Variants in PLSCR5 observed in about 807,000 individuals in gnomAD.
PLSCR5 encodes phospholipid scramblase family member 5.
Under a neutral mutation model 33.6 loss-of-function variants are expected in PLSCR5, and 44 were observed. That is an observed-to-expected ratio of 1.31 (90% CI 1.03 to 1.69). The LOEUF (loss-of-function observed/expected upper bound fraction) is 1.69, where lower values mean the gene tolerates loss of function less well. Among genes scored for constraint, PLSCR5 ranks in the 40% most tolerant of loss-of-function variants. PLSCR5 has a pLI of 0.00. For missense variants in PLSCR5, 375 were observed against 318.7 expected, an observed-to-expected ratio of 1.18 and a Z score of -1.34; for synonymous variants, 148 against 112.3, an observed-to-expected ratio of 1.32 and a Z score of -2.01.
intron 6 of PLSCR5, among the ~76,000 whole-genome samples, chr3:146,586,964 G>T (rs945469743): frequency 4.2e-4 from 64 of 152,180 alleles, no homozygotes; most frequent in African/African-American, 1.2e-3. Context: ...TTTACAATAT[G>T]ATGGTAAAAA....
In PLSCR5 at chr3:146,600,446, T is replaced by G; in HGVS notation, c.31A>C (p.Arg11=). Residue 11 remains arginine (R), a synonymous_variant, in exon 2 of 8, where the codon AGA becomes CGA. Transcript: ENST00000443512. The part of the protein sequence containing the change: MASKDAQNQR[R]GLPGFLPGAP... ...CCAGGAAGAAAACCAGGCAGACCTC[T>G]TCTTTGGTTCTGGGCATCTGCAAGA... is the stretch of plus-strand genomic sequence containing the variant. 6.3e-7 allele frequency: 1 copy of G among 1,595,314 alleles called. No individual in the cohort carries two copies. The highest frequency in any genetic ancestry group is 8.6e-7 in the Non-Finnish European group (1 of 1,168,802).
intron 6 of PLSCR5, among the ~76,000 whole-genome samples, chr3:146,589,177 C>T (rs1424688855): frequency 2.0e-5 from 3 of 152,122 alleles, no homozygotes; most frequent in African/African-American, 7.2e-5. Flanking sequence ...GAAATAATGG[C>T]AACTGGTACC....
At chr3:146,584,851 G>C (rs1039776322), downstream of PLSCR5, among the ~76,000 whole-genome samples, 2 of 152,046 alleles carry the variant, frequency 1.3e-5, no homozygotes, top group Non-Finnish European at 2.9e-5. Context: ...ACTCTAACTT[G>C]ACTAACTTAG....
At chr3:146,584,584 G>C (rs1210658203), downstream of PLSCR5, among the ~76,000 whole-genome samples, 1 of 152,122 alleles carries the variant, frequency 6.6e-6, no homozygotes, top group Non-Finnish European at 1.5e-5. Flanking sequence ...ATATGTTATG[G>C]TCGATTGAGG....
At chr3:146,585,104 G>A (rs191099028), downstream of PLSCR5, among the ~76,000 whole-genome samples, 282 of 152,146 alleles carry the variant, frequency 1.9e-3, no homozygotes, top group Non-Finnish European at 2.8e-3. Context: ...TTGATAACTA[G>A]TGGATAGTAA....
At chr3:146,587,222 G>C (rs2044673521) in intron 6 of PLSCR5, among the ~76,000 whole-genome samples, 1 of 152,102 alleles carries the variant, frequency 6.6e-6, no homozygotes, top group Non-Finnish European at 1.5e-5. Flanking sequence ...CTTGCACTTT[G>C]CACCACACTT....
chr3:146,599,513 AC>A (rs1262201752), intron 2 of PLSCR5, among the ~76,000 whole-genome samples: 1 of 129,536 alleles, frequency 7.7e-6, no homozygotes, highest in Non-Finnish European at 1.7e-5. Context: ...CTTTGCATTA[AC>A]TTTTTTTTTT....
chr3:146,599,906 C>T (rs116256205), intron 2 of PLSCR5, among the ~76,000 whole-genome samples: 20 of 152,088 alleles, frequency 1.3e-4, no homozygotes, highest in Non-Finnish European at 2.4e-4. Flanking sequence ...CTGGCTTATC[C>T]ACATGCCATG....
chr3:146,587,239 T>A (rs1340004973), intron 6 of PLSCR5, among the ~76,000 whole-genome samples: 2 of 152,168 alleles, frequency 1.3e-5, no homozygotes, highest in African/African-American at 4.8e-5. Context: ...ACTTTGAGTA[T>A]GACCTAGATC....
chr3:146,594,161 T>A, intron 3 of PLSCR5, 21 bp from the exon 4 acceptor site: 1 of 1,536,614 alleles, frequency 6.5e-7, no homozygotes, highest in Non-Finnish European at 8.9e-7. Flanking sequence ...AAAAAAAAAA[T>A]TATAAAAACA....
chr3:146,579,557 C>A (rs1445461952), intron 7 of PLSCR5, among the ~76,000 whole-genome samples: 1 of 152,190 alleles, frequency 6.6e-6, no homozygotes, highest in Non-Finnish European at 1.5e-5. Context: ...TCTATCCAAA[C>A]CCCTCTTTTG....
At chr3:146,582,274 G>A (rs935512715), downstream of PLSCR5, among the ~76,000 whole-genome samples, 1 of 152,206 alleles carries the variant, frequency 6.6e-6, no homozygotes, top group Non-Finnish European at 1.5e-5. Context: ...TGGCCTCACT[G>A]CATAGATAAG....
intron 1 of PLSCR5, among the ~76,000 whole-genome samples, chr3:146,601,763 C>A (rs1424158165): frequency 6.6e-6 from 1 of 151,886 alleles, no homozygotes; most frequent in Non-Finnish European, 1.5e-5. Flanking sequence ...GTGTGTGGGG[C>A]AGGGGGGTGG....
At chr3:146,602,894 T>TAAA (rs1447883364) in intron 1 of PLSCR5, among the ~76,000 whole-genome samples, 1 of 152,042 alleles carries the variant, frequency 6.6e-6, no homozygotes, top group Non-Finnish European at 1.5e-5. Flanking sequence ...AAAGTCTTTA[T>TAAA]TTAGGAGTAG....
chr3:146,594,232 G>C, intron 3 of PLSCR5, 92 bp from the exon 4 acceptor site: 1 of 876,412 alleles, frequency 1.1e-6, no homozygotes, highest in South Asian at 1.8e-5. Context: ...AGAATACAGT[G>C]TCTGATCAAT....
At chr3:146,587,449 G>T (rs769073500) in intron 6 of PLSCR5, among the ~76,000 whole-genome samples, 13 of 152,122 alleles carry the variant, frequency 8.5e-5, no homozygotes, top group Admixed American at 2.0e-4. Flanking sequence ...AGGTGAGTAG[G>T]GCAGATTAAA....
chr3:146,591,860 C>T lies in PLSCR5; in HGVS notation c.475G>A (p.Gly159Ser). The stretch of plus-strand genomic sequence containing the variant: ...TGCGTAACGTAACCAACTATAGTAC[C>T]AGGAGGGGCTTGGATTTCTAACTGT... ...LQELEIQAPPGTIVGYVTQKW... is the reference protein window; with the variant it reads ...LQELEIQAPPSTIVGYVTQKW... Residue 159 changes from glycine to serine, a missense_variant, in exon 5 of 8, where the codon GGT becomes AGT. Transcript: ENST00000443512. 1 of 1,606,770 alleles carries T rather than the reference C, an allele frequency of 6.2e-7. No homozygotes were observed. The highest frequency in any genetic ancestry group is 8.5e-7 in the Non-Finnish European group (1 of 1,176,590).
chr3:146,591,289 G>T (rs116415255), intron 5 of PLSCR5, among the ~76,000 whole-genome samples: 1 of 151,926 alleles, frequency 6.6e-6, no homozygotes, highest in African/African-American at 2.4e-5. Context: ...GCAAAGCTAT[G>T]TGTCCAAAAA....
intron 2 of PLSCR5, among the ~76,000 whole-genome samples, chr3:146,596,618 T>C (rs979647657): frequency 6.6e-6 from 1 of 152,194 alleles, no homozygotes; most frequent in African/African-American, 2.4e-5. Flanking sequence ...CTTAAAATTT[T>C]CTTCACCATA....
Sources: allele counts gnomAD v4.1 joint callset (sites outside exome capture counted in the v4.1 genomes callset), GRCh38; gene constraint gnomAD v4.1.1; transcripts MANE v1.5; gene names NCBI Gene and HGNC (gene_info 2026-07-23, HGNC 2026-07-21).